The following VKORC1L1 variants were observed in gnomAD, a reference collection of about 807,000 sequenced individuals.
VKORC1L1 encodes the protein vitamin K epoxide reductase complex subunit 1L1, also known as vitamin K epoxide reductase complex subunit 1-like protein 1.
VKORC1L1 carries 2 observed loss-of-function variants against 18.9 expected under a neutral mutation model. That is an observed-to-expected ratio of 0.11 (90% CI 0.04 to 0.33). The LOEUF is 0.33. VKORC1L1 is among the 10% of genes least tolerant of loss of function. VKORC1L1 has a pLI of 1.00. For missense variants in VKORC1L1, 123 were observed against 224.1 expected (o/e 0.55, Z 2.88); for synonymous variants, 96 against 100.0 (o/e 0.96, Z 0.24).
At chr7:65,945,347 C>G (rs1214140895) in intron 1 of VKORC1L1, among the ~76,000 whole-genome samples, 1 of 151,534 alleles carries the variant, frequency 6.6e-6, no homozygotes, top group African/African-American at 2.4e-5. Flanking sequence ...CGCAGTGGCT[C>G]ACGCCTGTAA....
At chr7:65,871,253 T>C (rs1357770693), upstream of VKORC1L1, among the ~76,000 whole-genome samples, 2 of 152,102 alleles carry the variant, frequency 1.3e-5, no homozygotes. Context: ...TGGAGTGCAA[T>C]GGTGTGAGCT....
chr7:65,933,077 CAAAAAAA>C (rs59403784), intron 1 of VKORC1L1, among the ~76,000 whole-genome samples: 2 of 65,356 alleles, frequency 3.1e-5, no homozygotes, highest in East Asian at 3.9e-4. Context: ...GACTTCGTCT[CAAAAAAA>C]AAAAAAAAAA....
chr7:65,933,052 TGGGCAACAGAATAAGAC>T (rs1789884179), intron 1 of VKORC1L1, among the ~76,000 whole-genome samples: 1 of 127,808 alleles, frequency 7.8e-6, no homozygotes, highest in African/African-American at 3.0e-5. Flanking sequence ...CACTCCAGCC[TGGGCAACAGAATAAGAC>T]TTCGTCTCAA....
At chr7:65,885,067 T>C (rs971310599) in intron 1 of VKORC1L1, among the ~76,000 whole-genome samples, 1 of 152,216 alleles carries the variant, frequency 6.6e-6, no homozygotes, top group Non-Finnish European at 1.5e-5. Context: ...ATTCTGATAT[T>C]GTGTAAATAT....
intron 1 of VKORC1L1, among the ~76,000 whole-genome samples, chr7:65,923,514 T>G (rs1303981206): frequency 2.6e-5 from 4 of 152,080 alleles, no homozygotes; most frequent in Non-Finnish European, 5.9e-5. Context: ...CAAGTGTGAT[T>G]ATGAGGTTGG....
At chr7:65,936,188 G>A (rs1223114371) in intron 1 of VKORC1L1, among the ~76,000 whole-genome samples, 2 of 150,488 alleles carry the variant, frequency 1.3e-5, no homozygotes, top group Admixed American at 6.6e-5. Context: ...CATCTTCCCA[G>A]TCATTTCTCT....
chr7:65,918,469 A>C (rs1789623893), intron 1 of VKORC1L1, among the ~76,000 whole-genome samples: 1 of 152,258 alleles, frequency 6.6e-6, no homozygotes, highest in African/African-American at 2.4e-5. Flanking sequence ...TTTACATAGG[A>C]GAGACATACT....
chr7:65,893,740 TAG>T (rs1789145523), intron 1 of VKORC1L1, among the ~76,000 whole-genome samples: 1 of 152,234 alleles, frequency 6.6e-6, no homozygotes, highest in Non-Finnish European at 1.5e-5. Context: ...TAAAGCATTT[TAG>T]AGTCTCAGTA....
chr7:65,931,673 G>A (rs944508339), intron 1 of VKORC1L1, among the ~76,000 whole-genome samples: 8 of 151,910 alleles, frequency 5.3e-5, no homozygotes, highest in East Asian at 1.9e-4. Flanking sequence ...ATGCAGTCTC[G>A]CTCTGTGTCC....
chr7:65,922,754 T>C (rs961365585), intron 1 of VKORC1L1, among the ~76,000 whole-genome samples: 1 of 152,254 alleles, frequency 6.6e-6, no homozygotes, highest in Non-Finnish European at 1.5e-5. Flanking sequence ...CTTCTGTTGG[T>C]ATTAGCTGTC....
intron 2 of VKORC1L1, 138 bp downstream of exon 2, chr7:65,948,918 A>T: frequency 9.4e-7 from 1 of 1,065,756 alleles, no homozygotes; most frequent in Non-Finnish European, 1.3e-6. Context: ...TGTTATGAAA[A>T]CTTGATTCAC....
intron 1 of VKORC1L1, among the ~76,000 whole-genome samples, chr7:65,948,251 A>G (rs542048377): frequency 5.3e-5 from 8 of 152,094 alleles, no homozygotes; most frequent in African/African-American, 1.7e-4. Context: ...TGTAATGCAC[A>G]GAACACCCCA....
At chr7:65,907,479 T>C (rs1419972249) in intron 1 of VKORC1L1, among the ~76,000 whole-genome samples, 1 of 152,068 alleles carries the variant, frequency 6.6e-6, no homozygotes, top group Non-Finnish European at 1.5e-5. Context: ...ATATCTTTCC[T>C]CATACAAAAA....
At chr7:65,941,541 TTATGATGTTAA>T (rs1040438687) in intron 1 of VKORC1L1, among the ~76,000 whole-genome samples, 2 of 152,128 alleles carry the variant, frequency 1.3e-5, no homozygotes, top group African/African-American at 2.4e-5. Flanking sequence ...GTTTGGTATA[TTATGATGTTAA>T]TATAATATTT....
intron 1 of VKORC1L1, among the ~76,000 whole-genome samples, chr7:65,875,330 CAT>C (rs771913740): frequency 3.3e-5 from 5 of 152,254 alleles, no homozygotes; most frequent in Admixed American, 2.0e-4. Context: ...TATATAATCA[CAT>C]ATATGTACAT....
intron 1 of VKORC1L1, among the ~76,000 whole-genome samples, chr7:65,881,573 G>A (rs1788928279): frequency 6.6e-6 from 1 of 152,142 alleles, no homozygotes; most frequent in African/African-American, 2.4e-5. Flanking sequence ...TGTCTCAGGT[G>A]TGATTATACA....
chr7:65,880,749 AT>A (rs1003275203), intron 1 of VKORC1L1, among the ~76,000 whole-genome samples: 4 of 152,208 alleles, frequency 2.6e-5, no homozygotes, highest in African/African-American at 9.6e-5. Flanking sequence ...AAGTGGTCAT[AT>A]TTGAATGTAA....
At chr7:65,951,814 G>A (rs1240513052) in intron 2 of VKORC1L1, among the ~76,000 whole-genome samples, 1 of 152,024 alleles carries the variant, frequency 6.6e-6, no homozygotes, top group Non-Finnish European at 1.5e-5. Context: ...TTTTTTGCCT[G>A]ATGAATATAT....
At chr7:65,920,298 T>C (rs1169776932) in intron 1 of VKORC1L1, among the ~76,000 whole-genome samples, 2 of 152,118 alleles carry the variant, frequency 1.3e-5, no homozygotes, top group African/African-American at 4.8e-5. Flanking sequence ...ACATACAATG[T>C]TGTCTATTTT....
Sources: allele counts gnomAD v4.1 joint callset (sites outside exome capture counted in the v4.1 genomes callset), GRCh38; gene constraint gnomAD v4.1.1; transcripts MANE v1.5; gene names NCBI Gene and HGNC (gene_info 2026-07-23, HGNC 2026-07-21).